Variants in VPS13B observed in about 807,000 individuals in gnomAD.
VPS13B encodes the protein intermembrane lipid transfer protein VPS13B.
In VPS13B, 285 loss-of-function variants were observed where a neutral mutation model predicts 426.4. That is an observed-to-expected ratio of 0.67 (90% CI 0.61 to 0.74). The LOEUF (loss-of-function observed/expected upper bound fraction) is 0.74. Among genes scored for constraint, VPS13B ranks in the 30% least tolerant of loss-of-function variants. The pLI is 0.00. For missense variants in VPS13B, 4,537 were observed against 4,782.6 expected (o/e 0.95, Z 1.51); for synonymous variants, 1,676 against 1,676.4 (o/e 1.00, Z 0.01).
At chr8:99,511,809 G>A (rs1563769453) in intron 29 of VPS13B, among the ~76,000 whole-genome samples, 1 of 152,160 alleles carries the variant, frequency 6.6e-6, no homozygotes, top group Non-Finnish European at 1.5e-5. Context: ...AAACTCAAAT[G>A]TTGTGTTCTG....
intron 19 of VPS13B, among the ~76,000 whole-genome samples, chr8:99,305,963 T>G (rs1052023745): frequency 6.6e-6 from 1 of 152,172 alleles, no homozygotes; most frequent in East Asian, 1.9e-4. Flanking sequence ...TGTTTCTCAC[T>G]TAACCTAGTT....
At chr8:99,647,577 A>G (rs1051145566) in intron 34 of VPS13B, among the ~76,000 whole-genome samples, 4 of 151,722 alleles carry the variant, frequency 2.6e-5, no homozygotes, top group Admixed American at 6.6e-5. Flanking sequence ...AGACTGTAAA[A>G]AAAAAAAAAA....
intron 15 of VPS13B, among the ~76,000 whole-genome samples, chr8:99,167,682 A>G (rs1400341661): frequency 6.6e-6 from 1 of 152,136 alleles, no homozygotes; most frequent in Admixed American, 6.5e-5. Flanking sequence ...AAATGTTAAA[A>G]TCTTGATGAT....
chr8:99,053,955 C>G (rs185642968), intron 3 of VPS13B, among the ~76,000 whole-genome samples: 298 of 152,336 alleles, frequency 2.0e-3, no homozygotes, highest in African/African-American at 6.9e-3. Flanking sequence ...CCTCCTGCCT[C>G]GGCCTCCCAA....
intron 21 of VPS13B, among the ~76,000 whole-genome samples, chr8:99,425,041 A>G (rs577088509): frequency 6.6e-6 from 1 of 152,340 alleles, no homozygotes; most frequent in Admixed American, 6.5e-5. Context: ...TGAATAGACC[A>G]ATAACAGGCT....
intron 39 of VPS13B, among the ~76,000 whole-genome samples, chr8:99,746,205 T>G (rs1810078630): frequency 6.6e-6 from 1 of 152,086 alleles, no homozygotes; most frequent in African/African-American, 2.4e-5. Flanking sequence ...AGAGCTTGAT[T>G]AGATTTGAAC....
At chr8:99,501,414 T>C (rs1821227595) in intron 25 of VPS13B, among the ~76,000 whole-genome samples, 1 of 152,162 alleles carries the variant, frequency 6.6e-6, no homozygotes, top group South Asian at 2.1e-4. Context: ...TATAGGAACA[T>C]ACTCATTGGT....
At chr8:99,753,431 A>G (rs1173313543) in intron 39 of VPS13B, among the ~76,000 whole-genome samples, 1 of 152,224 alleles carries the variant, frequency 6.6e-6, no homozygotes, top group Non-Finnish European at 1.5e-5. Flanking sequence ...TAAGTAAAAT[A>G]TCTGAACAGT....
intron 16 of VPS13B, among the ~76,000 whole-genome samples, chr8:99,191,317 G>T (rs1813563791): frequency 6.9e-6 from 1 of 145,714 alleles, no homozygotes; most frequent in Non-Finnish European, 1.5e-5. Context: ...TCTTCAAATT[G>T]CTTGATAGTG....
chr8:99,481,383 TTTTAATCCACAGG>T (rs1820028393), intron 24 of VPS13B, among the ~76,000 whole-genome samples: 1 of 152,216 alleles, frequency 6.6e-6, no homozygotes, highest in African/African-American at 2.4e-5. Context: ...ATTACTGTGG[TTTTAATCCACAGG>T]AATGCTAGGT....
intron 5 of VPS13B, among the ~76,000 whole-genome samples, chr8:99,110,263 G>A (rs1159158877): frequency 6.6e-6 from 1 of 151,972 alleles, no homozygotes; most frequent in Non-Finnish European, 1.5e-5. Flanking sequence ...AATTCCCATG[G>A]CTAACTTAAA....
intron 37 of VPS13B, among the ~76,000 whole-genome samples, chr8:99,717,818 G>A (rs796885332): frequency 3.3e-5 from 5 of 152,220 alleles, no homozygotes; most frequent in South Asian, 4.1e-4. Flanking sequence ...CACTCAGCAT[G>A]TTTTCAAGGT....
intron 17 of VPS13B, among the ~76,000 whole-genome samples, chr8:99,246,608 C>T (rs1021655651): frequency 3.3e-5 from 5 of 152,156 alleles, no homozygotes; most frequent in African/African-American, 1.2e-4. Context: ...TGGCTCACGC[C>T]TGTAATCCCA....
chr8:99,216,034 C>G (rs562992528), intron 17 of VPS13B, among the ~76,000 whole-genome samples: 1 of 152,256 alleles, frequency 6.6e-6, no homozygotes, highest in African/African-American at 2.4e-5. Context: ...TAGATACATT[C>G]CTACATTGAA....
chr8:99,529,513 A>G (rs1327383739), intron 30 of VPS13B, among the ~76,000 whole-genome samples: 1 of 152,176 alleles, frequency 6.6e-6, no homozygotes, highest in Non-Finnish European at 1.5e-5. Context: ...AAAAACTCTT[A>G]TATACTATAT....
chr8:99,425,866 AAAT>A (rs962212542), intron 21 of VPS13B, among the ~76,000 whole-genome samples: 1 of 152,122 alleles, frequency 6.6e-6, no homozygotes, highest in African/African-American at 2.4e-5. Context: ...TCAGGATACA[AAAT>A]AAATGTGCAA....
chr8:99,102,670 A>C (rs1157178589), intron 4 of VPS13B, among the ~76,000 whole-genome samples: 1 of 152,206 alleles, frequency 6.6e-6, no homozygotes, highest in Non-Finnish European at 1.5e-5. Context: ...TATGGGATCT[A>C]ATATTATGTT....
At chr8:99,513,350 A>C (rs1460914667) in intron 29 of VPS13B, among the ~76,000 whole-genome samples, 1 of 152,124 alleles carries the variant, frequency 6.6e-6, no homozygotes, top group Non-Finnish European at 1.5e-5. Flanking sequence ...ACAATTAGGA[A>C]GGCCAAAATT....
At chr8:99,084,022 A>C (rs1429520973) in intron 3 of VPS13B, among the ~76,000 whole-genome samples, 3 of 151,316 alleles carry the variant, frequency 2.0e-5, no homozygotes, top group Non-Finnish European at 4.4e-5. Flanking sequence ...GAATAGTTTC[A>C]GAAGGAATGG....
Sources: gnomAD v4.1 joint callset for allele counts (sites outside exome capture counted in the v4.1 genomes callset) on GRCh38, gnomAD v4.1.1 for gene constraint, MANE v1.5 for transcripts, NCBI Gene and HGNC (gene_info 2026-07-23, HGNC 2026-07-21) for gene names.